Variants in DLGAP1 observed in about 807,000 individuals in gnomAD.
The protein encoded by DLGAP1 is disks large-associated protein 1.
A neutral mutation model predicts 90.8 loss-of-function variants in DLGAP1; 11 were observed. That is an observed-to-expected ratio of 0.12 (90% CI 0.08 to 0.20). DLGAP1 has a LOEUF of 0.20. Among genes scored for constraint, DLGAP1 ranks in the 10% least tolerant of loss-of-function variants. The pLI is 1.00. For synonymous variants in DLGAP1, 558 were observed against 540.7 expected (o/e 1.03, Z -0.44); for missense variants, 1,050 against 1,333.8 (o/e 0.79, Z 3.31).
chr18:4,447,796 A>G (rs2083704479), intron 1 of DLGAP1, among the ~76,000 whole-genome samples: 1 of 152,156 alleles, frequency 6.6e-6, no homozygotes, highest in Non-Finnish European at 1.5e-5. Flanking sequence ...ATTCCCAATA[A>G]TGTAAGCCTC....
chr18:3,798,202 C>T (rs2066103815), intron 5 of DLGAP1, among the ~76,000 whole-genome samples: 1 of 152,194 alleles, frequency 6.6e-6, no homozygotes, highest in Admixed American at 6.5e-5. Flanking sequence ...TTAGTGTAAC[C>T]AAACCCGAGG....
intron 7 of DLGAP1, among the ~76,000 whole-genome samples, chr18:3,699,842 G>A (rs1360946250): frequency 6.6e-6 from 1 of 152,204 alleles, no homozygotes; most frequent in African/African-American, 2.4e-5. Context: ...TGCCCAGAGA[G>A]GAGGAAGCTA....
intron 7 of DLGAP1, chr18:3,655,897 A>T: frequency 1.7e-6 from 1 of 572,436 alleles, no homozygotes; most frequent in Non-Finnish European, 3.0e-6. Flanking sequence ...TGCAAATGCC[A>T]CTTGAGGAGG....
chr18:4,324,824 T>A (rs1041290713), intron 1 of DLGAP1, among the ~76,000 whole-genome samples: 2 of 147,558 alleles, frequency 1.4e-5, no homozygotes, highest in African/African-American at 5.1e-5. Context: ...CATCCTTTCA[T>A]ATTAAAACCA....
At chr18:3,673,585 C>T (rs2060176919) in intron 7 of DLGAP1, among the ~76,000 whole-genome samples, 1 of 152,062 alleles carries the variant, frequency 6.6e-6, no homozygotes, top group Non-Finnish European at 1.5e-5. Flanking sequence ...TCTCACTCTT[C>T]GCCCAGGCTG....
intron 12 of DLGAP1, among the ~76,000 whole-genome samples, chr18:3,501,508 C>A (rs1350775383): frequency 6.6e-6 from 1 of 152,222 alleles, no homozygotes; most frequent in East Asian, 1.9e-4. Context: ...CATCACCCTC[C>A]TGTCACTTAC....
At chr18:3,586,570 C>T (rs999150837) in intron 7 of DLGAP1, among the ~76,000 whole-genome samples, 1 of 152,032 alleles carries the variant, frequency 6.6e-6, no homozygotes, top group Admixed American at 6.6e-5. Flanking sequence ...AGAGATCCTC[C>T]CCCTCTGCCT....
At chr18:3,518,319 C>A (rs1217447501) in intron 10 of DLGAP1, among the ~76,000 whole-genome samples, 1 of 152,168 alleles carries the variant, frequency 6.6e-6, no homozygotes, top group Admixed American at 6.5e-5. Context: ...GGGCACGGTT[C>A]ATGGAGCTCC....
intron 2 of DLGAP1, among the ~76,000 whole-genome samples, chr18:4,039,021 G>C (rs925757900): frequency 2.6e-5 from 4 of 152,028 alleles, no homozygotes; most frequent in Non-Finnish European, 5.9e-5. Context: ...GAGGAAAACG[G>C]CAGCACGAGG....
intron 1 of DLGAP1, among the ~76,000 whole-genome samples, chr18:4,333,225 T>C (rs1481906949): frequency 6.6e-6 from 1 of 151,866 alleles, no homozygotes; most frequent in Non-Finnish European, 1.5e-5. Context: ...AGTTTGAGAG[T>C]CAGCCAGGGG....
intron 1 of DLGAP1, among the ~76,000 whole-genome samples, chr18:4,298,419 T>C (rs996119503): frequency 1.3e-5 from 2 of 152,140 alleles, no homozygotes; most frequent in Non-Finnish European, 2.9e-5. Context: ...AAGAAGCATA[T>C]ACACCATGGA....
chr18:3,843,233 T>C (rs2068819758), intron 4 of DLGAP1, among the ~76,000 whole-genome samples: 3 of 152,222 alleles, frequency 2.0e-5, no homozygotes, highest in South Asian at 4.1e-4. Flanking sequence ...GCATTTGGCA[T>C]TGCTAAAAAT....
intron 5 of DLGAP1, among the ~76,000 whole-genome samples, chr18:3,752,619 T>G: frequency 7.3e-6 from 1 of 136,702 alleles, no homozygotes; most frequent in Admixed American, 7.9e-5. Context: ...TCTTTCTCCC[T>G]CTCCCCCTCC....
chr18:4,018,380 G>C (rs112265586), intron 2 of DLGAP1, among the ~76,000 whole-genome samples: 1 of 152,334 alleles, frequency 6.6e-6, no homozygotes, highest in African/African-American at 2.4e-5. Flanking sequence ...TGCCCAGGGA[G>C]GAAGCATGAC....
chr18:3,821,004 G>C (rs1480023758), intron 4 of DLGAP1, among the ~76,000 whole-genome samples: 1 of 152,184 alleles, frequency 6.6e-6, no homozygotes, highest in African/African-American at 2.4e-5. Context: ...ATTCAAAAAG[G>C]TAAAATGCAA....
At chr18:4,026,421 G>T (rs1413039879) in intron 2 of DLGAP1, among the ~76,000 whole-genome samples, 1 of 152,152 alleles carries the variant, frequency 6.6e-6, no homozygotes, top group Admixed American at 6.6e-5. Flanking sequence ...TTTAGAAGGG[G>T]TTTTGCACTT....
chr18:3,863,368 TC>T (rs2070198661), intron 4 of DLGAP1, among the ~76,000 whole-genome samples: 1 of 152,196 alleles, frequency 6.6e-6, no homozygotes, highest in Non-Finnish European at 1.5e-5. Context: ...AAGAAACTCT[TC>T]CTTTTACTTG....
intron 3 of DLGAP1, among the ~76,000 whole-genome samples, chr18:3,949,833 A>G (rs1056021305): frequency 6.6e-6 from 1 of 152,200 alleles, no homozygotes; most frequent in Non-Finnish European, 1.5e-5. Flanking sequence ...ACCAAATAGC[A>G]TAAATCACAC....
chr18:4,173,104 A>G (rs1384041632), intron 1 of DLGAP1, among the ~76,000 whole-genome samples: 1 of 152,240 alleles, frequency 6.6e-6, no homozygotes, highest in Non-Finnish European at 1.5e-5. Context: ...CTTGAGAAAT[A>G]TTAAAATCTA....
Sources: allele counts gnomAD v4.1 joint callset (sites outside exome capture counted in the v4.1 genomes callset), GRCh38; gene constraint gnomAD v4.1.1; transcripts MANE v1.5; gene names NCBI Gene and HGNC (gene_info 2026-07-23, HGNC 2026-07-21).